CEP63: variants seen among roughly 807,000 people sequenced by gnomAD.
CEP63 encodes the protein centrosomal protein of 63 kDa.
Under a neutral mutation model 89.1 loss-of-function variants are expected in CEP63, and 84 were observed. The observed-to-expected ratio is 0.94, with a 90% CI of 0.79 to 1.13. The LOEUF (loss-of-function observed/expected upper bound fraction) is 1.13, where lower values mean the gene tolerates loss of function less well. Among genes scored for constraint, CEP63 ranks in the 50% most tolerant of loss-of-function variants. The probability of loss-of-function intolerance (pLI) is 0.00; values close to 1 mark genes in which losing one functional copy is unlikely to be tolerated. For missense variants in CEP63, 838 were observed against 813.3 expected (o/e 1.03, Z -0.37); for synonymous variants, 267 against 272.5 (o/e 0.98, Z 0.20).
At chr3:134,639,672 A>C in the CEP63 span, among the ~76,000 whole-genome samples, 1 of 151,958 alleles carries the variant, frequency 6.6e-6, no homozygotes, top group Non-Finnish European at 1.5e-5. Context: ...GGGGTCAGGC[A>C]TGGTGGCTTA....
chr3:134,575,868 C>T (rs1180946433), downstream of CEP63, among the ~76,000 whole-genome samples: 2 of 152,138 alleles, frequency 1.3e-5, no homozygotes, highest in African/African-American at 4.8e-5. Flanking sequence ...CCTAGGCCTC[C>T]CAAAGTGCTA....
the CEP63 span, among the ~76,000 whole-genome samples, chr3:134,703,343 C>T: frequency 6.7e-6 from 1 of 148,226 alleles, no homozygotes; most frequent in Non-Finnish European, 1.5e-5. Context: ...TATTGCAGCA[C>T]TATTCACAAT....
At chr3:134,725,753 G>T in the CEP63 span, among the ~76,000 whole-genome samples, 3 of 152,208 alleles carry the variant, frequency 2.0e-5, no homozygotes, top group Non-Finnish European at 4.4e-5. Context: ...TTAGGGTCTT[G>T]TTGGTTTGGT....
At position 134,521,687 on chromosome 3, in the gene CEP63, A is replaced by G. The variant is rs571757915; in HGVS notation, c.223-10158A>G. On this transcript the variant is annotated intron_variant, in intron 3 of 14. Coordinates refer to ENST00000675561, the MANE Select transcript of CEP63 (RefSeq NM_001353108.3). ...GTACTAGAAGATCTGTGAATATCTTAGTCTTGTTACCTTCATTAACAGCTA... is the reference window on the plus strand; with the variant it reads ...GTACTAGAAGATCTGTGAATATCTTGGTCTTGTTACCTTCATTAACAGCTA... Among the ~76,000 whole-genome samples the G allele has an allele frequency of 9.9e-5, 15 of 152,252 alleles. No homozygotes were observed. The South Asian group carries it at 3.1e-3, about 32-fold the overall frequency.
the CEP63 span, among the ~76,000 whole-genome samples, chr3:134,619,765 T>G: frequency 2.6e-5 from 4 of 152,182 alleles, no homozygotes; most frequent in Non-Finnish European, 5.9e-5. Flanking sequence ...AAGGCAGAAG[T>G]CTCTGTAGCT....
chr3:134,514,480 C>T (rs748818664), intron 3 of CEP63, among the ~76,000 whole-genome samples: 3 of 151,992 alleles, frequency 2.0e-5, no homozygotes, highest in Non-Finnish European at 4.4e-5. Flanking sequence ...CCAAGAATCT[C>T]AAGCAAGATA....
At chr3:134,714,384 T>G in the CEP63 span, among the ~76,000 whole-genome samples, 1 of 152,210 alleles carries the variant, frequency 6.6e-6, no homozygotes, top group African/African-American at 2.4e-5. Flanking sequence ...TGAGCCCTCA[T>G]GCACCCATCA....
At chr3:134,720,625 T>C in the CEP63 span, among the ~76,000 whole-genome samples, 1 of 152,084 alleles carries the variant, frequency 6.6e-6, no homozygotes. Flanking sequence ...ATCCATTTGA[T>C]CCATTGATCC....
intron 5 of CEP63, among the ~76,000 whole-genome samples, chr3:134,533,652 A>G (rs1950250203): frequency 6.6e-6 from 1 of 152,198 alleles, no homozygotes. Flanking sequence ...TTCACTGGAC[A>G]TAAGAATTCC....
At chr3:134,567,122 C>T (rs1164854533), downstream of CEP63, among the ~76,000 whole-genome samples, 1 of 145,350 alleles carries the variant, frequency 6.9e-6, no homozygotes, top group Non-Finnish European at 1.5e-5. Context: ...GATGCCACAG[C>T]ATGGATGAAC....
chr3:134,686,804 T>C, the CEP63 span, among the ~76,000 whole-genome samples: 3 of 152,296 alleles, frequency 2.0e-5, no homozygotes, highest in East Asian at 3.9e-4. Flanking sequence ...AGCAATATCA[T>C]TGACACCATT....
At chr3:134,600,604 C>G in the CEP63 span, among the ~76,000 whole-genome samples, 1 of 152,280 alleles carries the variant, frequency 6.6e-6, no homozygotes, top group African/African-American at 2.4e-5. Flanking sequence ...CTCCTCCACC[C>G]TCGGTTCCCT....
chr3:134,549,876 G>A (rs990987670), intron 10 of CEP63, among the ~76,000 whole-genome samples, 187 bp from the exon 11 acceptor site: 14 of 152,132 alleles, frequency 9.2e-5, no homozygotes, highest in African/African-American at 2.2e-4. Context: ...ATGATTGTAG[G>A]TATAACCACC....
At chr3:134,585,691 G>A (rs1958469557) in intron 10 of CEP63, among the ~76,000 whole-genome samples, 1 of 152,184 alleles carries the variant, frequency 6.6e-6, no homozygotes. Flanking sequence ...GGAGAGTTCT[G>A]TAGATGTCTA....
rs1957652624 is a variant in CEP63 at position 134,564,695 on chromosome 3, T to A, written c.*3160T>A. On this transcript the variant is annotated 3_prime_UTR_variant, in exon 15 of 15. Coordinates refer to ENST00000675561, the MANE Select transcript of CEP63 (RefSeq NM_001353108.3). ...TTTGAAAGGGCTTTGCAGTTTTAAGTACTGTACCTATGTGCATTGCTGTTA... is the reference window on the plus strand; with the variant it reads ...TTTGAAAGGGCTTTGCAGTTTTAAGAACTGTACCTATGTGCATTGCTGTTA... The A allele has an allele frequency of 2.0e-6, 2 of 985,264 alleles. No individual in the cohort carries two copies. Among genetic ancestry groups the A allele is most frequent in the Admixed American group, 6.1e-5 (1 of 16,266 alleles). 61.0% of individuals were successfully genotyped at this position (985,264 alleles called of 1,614,324 possible). A position where few individuals can be genotyped will look rare whatever the true frequency, so the allele number is the denominator to read the frequency against.
chr3:134,527,510 C>T (rs555976123), intron 3 of CEP63, among the ~76,000 whole-genome samples: 13 of 152,216 alleles, frequency 8.5e-5, no homozygotes, highest in Non-Finnish European at 1.2e-4. Context: ...ACTGCACTCC[C>T]GCCACAGCAG....
chr3:134,494,180 A>G (rs1271915203), intron 1 of CEP63, among the ~76,000 whole-genome samples: 1 of 151,074 alleles, frequency 6.6e-6, no homozygotes, highest in African/African-American at 2.4e-5. Context: ...CAATGGTGTG[A>G]TCTCGGATCA....
the CEP63 span, among the ~76,000 whole-genome samples, chr3:134,726,545 C>A: frequency 6.6e-6 from 1 of 151,960 alleles, no homozygotes; most frequent in East Asian, 1.9e-4. Context: ...GCTGGGCTAC[C>A]TTCCTCCTTC....
chr3:134,554,259 G>C (rs1462246632), intron 12 of CEP63, among the ~76,000 whole-genome samples: 2 of 147,298 alleles, frequency 1.4e-5, no homozygotes, highest in African/African-American at 5.0e-5. Context: ...ACAGTCCCCA[G>C]AGTGTGATGT....
Sources: gnomAD v4.1 joint callset for allele counts (sites outside exome capture counted in the v4.1 genomes callset) on GRCh38, gnomAD v4.1.1 for gene constraint, MANE v1.5 for transcripts, NCBI Gene and HGNC (gene_info 2026-07-23, HGNC 2026-07-21) for gene names.